The following RAD50 variants were observed in gnomAD, a reference collection of about 807,000 sequenced individuals.
The protein encoded by RAD50 is RAD50 double strand break repair protein, also known as DNA repair protein RAD50.
RAD50 carries 132 observed loss-of-function variants against 168.8 expected under a neutral mutation model. The ratio of observed to expected loss-of-function variants is 0.78; its 90% CI spans 0.68 to 0.90. The LOEUF (loss-of-function observed/expected upper bound fraction) is 0.90, where lower values mean the gene tolerates loss of function less well. RAD50 is among the 40% of genes least tolerant of loss of function. The pLI is 0.00. For missense variants in RAD50, 1,347 were observed against 1,534.4 expected (o/e 0.88, Z 2.04); for synonymous variants, 525 against 497.4 (o/e 1.06, Z -0.74).
chr5:132,576,965 AAG>A (rs1395586342), intron 3 of RAD50, among the ~76,000 whole-genome samples: 1 of 152,248 alleles, frequency 6.6e-6, no homozygotes, highest in African/African-American at 2.4e-5. Flanking sequence ...AACATGTAGT[AAG>A]AGTTCATGTA....
chr5:132,627,337 G>A (rs1003707966), intron 21 of RAD50, among the ~76,000 whole-genome samples: 3 of 152,128 alleles, frequency 2.0e-5, no homozygotes, highest in Admixed American at 2.0e-4. Flanking sequence ...ATAAAAATTT[G>A]AGTACATAAA....
chr5:132,559,366 A>T lies in RAD50; in HGVS notation c.212A>T (p.Lys71Met), dbSNP rs1060501940. ...GGAAATACATTTGTACACGATCCCA[A>T]GGTAATGGTGCTAGTACAATTTTGT... Reference protein sequence around the residue: ...TKGNTFVHDPKVAQETDVRAQ... With the variant: ...TKGNTFVHDPMVAQETDVRAQ... Residue 71 changes from lysine (K) to methionine (M), a missense_variant and splice_region_variant, in exon 2 of 25, where the codon AAG (lysine) becomes ATG (methionine). Lys to Met is a moderately conservative substitution (Grantham distance 95). Around this residue, in one of 3 missense-constraint regions of RAD50, gnomAD observed 703 missense variants for 767.7 expected, o/e 0.92. Transcript: ENST00000378823. 7 of 1,607,788 alleles carry T rather than the reference A, an allele frequency of 4.4e-6. No individual in the cohort carries two copies. The highest frequency in any genetic ancestry group is 5.9e-6 in the Non-Finnish European group (7 of 1,176,710).
chr5:132,557,114 A>T lies in RAD50; in HGVS notation c.-211A>T. 1.4e-6 allele frequency: 1 copy of T among 720,290 alleles called. No individual in the cohort carries two copies. The highest frequency in any genetic ancestry group is 2.3e-6 in the Non-Finnish European group (1 of 442,354). 44.6% of individuals were successfully genotyped at this position (720,290 alleles called of 1,614,324 possible). ...CGCTCTCCCCACCGGCGGGGAAAGC[A>T]GCTGGTGTGGGAGGAAAGGCTCCAT... On this transcript the variant is annotated 5_prime_UTR_variant, in exon 1 of 25. Transcript: ENST00000378823.
At chr5:132,632,090 G>A (rs1751484802) in intron 21 of RAD50, among the ~76,000 whole-genome samples, 1 of 152,180 alleles carries the variant, frequency 6.6e-6, no homozygotes, top group Admixed American at 6.5e-5. Context: ...ACTACCAAGT[G>A]TGTTCTAACC....
At position 132,637,181 on chromosome 5, in the gene RAD50, A is replaced by T. The variant is rs775075281; in HGVS notation, c.3456A>T (p.Arg1152=). ...EINKIIRDLW[R]STYRGQDIEY... ...ATAAAATTATACGTGACCTGTGGCG[A>T]AGTACCTATCGTGGACAAGGTGAGT... is the stretch of plus-strand genomic sequence containing the variant. The change falls in exon 22 of 25, where the codon CGA becomes CGT. Residue 1152 remains arginine (R), a synonymous_variant. Coordinates refer to ENST00000378823, the MANE Select transcript of RAD50 (RefSeq NM_005732.4). 19 of 1,612,202 alleles carry T rather than the reference A, an allele frequency of 1.2e-5. No homozygotes were observed. Among genetic ancestry groups the T allele is most frequent in the Non-Finnish European group, 1.3e-5 (15 of 1,178,972 alleles).
At chr5:132,602,397 A>AT (rs1417361877) in intron 13 of RAD50, among the ~76,000 whole-genome samples, 13 of 152,122 alleles carry the variant, frequency 8.5e-5, no homozygotes, top group Non-Finnish European at 1.6e-4. Context: ...AATACATATT[A>AT]TTGTTTCAGA....
intron 21 of RAD50, among the ~76,000 whole-genome samples, chr5:132,622,270 C>T (rs1751299614): frequency 6.6e-6 from 1 of 152,062 alleles, no homozygotes; most frequent in Admixed American, 6.6e-5. Flanking sequence ...AAGCAGTTCT[C>T]ATTCCTCAGC....
intron 21 of RAD50, among the ~76,000 whole-genome samples, chr5:132,629,532 A>T (rs1337270029): frequency 6.6e-6 from 1 of 152,080 alleles, no homozygotes; most frequent in Non-Finnish European, 1.5e-5. Context: ...CTTACCTGGT[A>T]CTCAGATGGA....
Position 132,575,886 on chromosome 5 carries a change from A to T in RAD50, c.323A>T (p.Lys108Met). ...ATGGTGTGTACTCAGAAAAGCAAAA[A>T]GACAGAATTTAAAACTCTGGAAGGA... ...RSMVCTQKSK[K>M]TEFKTLEGVI... is the part of the protein sequence containing the mutation. Residue 108 changes from lysine to methionine, a missense_variant, in exon 3 of 25, where the codon AAG becomes ATG. Lys to Met is a moderately conservative substitution (Grantham distance 95, BLOSUM62 -1). This residue lies in a region of RAD50 where 703 missense variants were observed against 767.7 expected (regional missense o/e 0.92). Coordinates refer to ENST00000378823, the MANE Select transcript of RAD50 (RefSeq NM_005732.4). The T allele has an allele frequency of 6.2e-7, 1 of 1,611,246 alleles. No individual in the cohort carries two copies. The highest frequency in any genetic ancestry group is 8.5e-7 in the Non-Finnish European group (1 of 1,177,376).
chr5:132,642,883 G>A lies in RAD50; in HGVS notation c.*519G>A. On this transcript the variant is annotated 3_prime_UTR_variant, in exon 25 of 25. Coordinates refer to ENST00000378823, the MANE Select transcript of RAD50 (RefSeq NM_005732.4). Reference sequence around the variant, plus strand: ...TATAAATCCAGTGACCTCTCTCTCTGGGACTTGGTTTCCCCAACTAAAATT... The same window carrying A: ...TATAAATCCAGTGACCTCTCTCTCTAGGACTTGGTTTCCCCAACTAAAATT... 2.5e-6 allele frequency: 1 copy of A among 400,136 alleles called. No individual in the cohort carries two copies. The highest frequency in any genetic ancestry group is 4.5e-5 in the East Asian group (1 of 22,266). 24.8% of individuals were successfully genotyped at this position (400,136 alleles called of 1,614,324 possible). A position where few individuals can be genotyped will look rare whatever the true frequency, so the allele number is the denominator to read the frequency against.
chr5:132,608,999 A>C, intron 17 of RAD50, 118 bp from the exon 18 acceptor site: 2 of 1,416,466 alleles, frequency 1.4e-6, no homozygotes, highest in South Asian at 2.8e-5. Context: ...CATAAAATTC[A>C]GTAGTGGTGG....
At position 132,603,925 on chromosome 5, in the gene RAD50, A is replaced by G. The variant is rs876659121; in HGVS notation, c.2403A>G (p.Glu801=). The change falls in exon 15 of 25, where the codon GAA becomes GAG. Residue 801 remains glutamate, a synonymous_variant. Transcript: ENST00000378823. ...CATTTTGTTATATTCTTAAGATGGA[A>G]CTTAAAGATGTTGAAAGAAAAATTG... ...DVTIMERFQM[E]LKDVERKIAQ... The G allele has an allele frequency of 6.3e-7, 1 of 1,599,172 alleles. No individual in the cohort carries two copies. The highest frequency in any genetic ancestry group is 2.2e-5 in the East Asian group (1 of 44,712).
In RAD50 at chr5:132,619,516, C is replaced by T. The variant is rs538497895; in HGVS notation, c.3389+1222C>T. 6.8e-4 allele frequency among the ~76,000 whole-genome samples: 103 copies of T among 152,236 alleles called. 1 individual carries two copies. Among genetic ancestry groups the T allele is most frequent in the Admixed American group, 2.5e-3 (39 of 15,298 alleles). ...CTGGGCTCAGGCATTCCTCCCACTT[C>T]GGCCTCCCAAAGTGCTGGGGTCACA... On this transcript the variant is annotated intron_variant, in intron 21 of 24. Transcript: ENST00000378823.
At chr5:132,578,524 C>CTTTTTTTTTTTTTTTTTTTTTT (rs903882684) in intron 3 of RAD50, among the ~76,000 whole-genome samples, 1 of 84,340 alleles carries the variant, frequency 1.2e-5, no homozygotes, top group Non-Finnish European at 2.3e-5. Flanking sequence ...TTTTTTCTTT[C>CTTTTTTTTTTTTTTTTTTTTTT]TTTTTTTTTT....
intron 16 of RAD50, among the ~76,000 whole-genome samples, chr5:132,606,483 T>A (rs554379878): frequency 6.6e-6 from 1 of 152,344 alleles, no homozygotes; most frequent in African/African-American, 2.4e-5. Flanking sequence ...ATTAATAGCC[T>A]GCCAACCAAA....
chr5:132,600,244 G>A (rs998275531), intron 13 of RAD50: 3 of 152,246 alleles, frequency 2.0e-5, no homozygotes, highest in Non-Finnish European at 4.4e-5. Flanking sequence ...ATATGCCAGG[G>A]GATGATCAGG....
intron 5 of RAD50, 132 bp from the exon 6 acceptor site, chr5:132,587,430 A>C: frequency 1.5e-6 from 2 of 1,342,744 alleles, no homozygotes; most frequent in Non-Finnish European, 2.0e-6. Flanking sequence ...GGCCTGCTCT[A>C]CAGTGTTATT....
intron 5 of RAD50, among the ~76,000 whole-genome samples, chr5:132,582,662 T>TA (rs1750523349): frequency 1.3e-5 from 2 of 152,208 alleles, no homozygotes; most frequent in African/African-American, 4.8e-5. Flanking sequence ...AAATGGGAAT[T>TA]GCTAGAGGAA....
chr5:132,584,935 A>G (rs1306004738), intron 5 of RAD50, among the ~76,000 whole-genome samples: 1 of 110,564 alleles, frequency 9.0e-6, no homozygotes, highest in Non-Finnish European at 1.7e-5. Flanking sequence ...AACATCACAC[A>G]CTGGGTCCTG....
Sources: gnomAD v4.1 joint callset for allele counts (sites outside exome capture counted in the v4.1 genomes callset) on GRCh38, gnomAD v4.1.1 for gene constraint, gnomAD v4.1.1 regional missense constraint, MANE v1.5 for transcripts, NCBI Gene and HGNC (gene_info 2026-07-23, HGNC 2026-07-21) for gene names.